Variants in PVT1 observed in about 807,000 individuals in gnomAD.
PVT1 encodes the protein CXCR4/PVT1 fusion.
At chr8:127,798,580 T>G (rs531462580) in intron 2 of PVT1, among the ~76,000 whole-genome samples, 1 of 151,096 alleles carries the variant, frequency 6.6e-6, no homozygotes, top group South Asian at 2.1e-4. Flanking sequence ...TAGTCTTGGC[T>G]GGGTGCAGTA....
intron 3 of PVT1, among the ~76,000 whole-genome samples, chr8:127,952,417 T>A (rs1031732271): frequency 6.6e-6 from 1 of 152,246 alleles, no homozygotes; most frequent in African/African-American, 2.4e-5. Flanking sequence ...TGAGGCTGTC[T>A]TAACACTCAC....
At chr8:127,867,519 G>C (rs992988320) in intron 2 of PVT1, among the ~76,000 whole-genome samples, 1 of 152,216 alleles carries the variant, frequency 6.6e-6, no homozygotes, top group Admixed American at 6.5e-5. Context: ...CGCTGGGGAG[G>C]GCTCTGCTGA....
intron 3 of PVT1, among the ~76,000 whole-genome samples, chr8:127,949,445 C>A (rs191087385): frequency 6.9e-6 from 1 of 144,544 alleles, no homozygotes; most frequent in East Asian, 2.1e-4. Flanking sequence ...CTCCCTCTCT[C>A]TCCTCTCTCC....
At chr8:128,047,499 C>T (rs900986565) in intron 4 of PVT1, among the ~76,000 whole-genome samples, 1 of 152,144 alleles carries the variant, frequency 6.6e-6, no homozygotes, top group Non-Finnish European at 1.5e-5. Context: ...AGAGGATGGG[C>T]GCGTGGGAGC....
chr8:128,082,232 G>A (rs749563007), intron 5 of PVT1, among the ~76,000 whole-genome samples: 6 of 152,214 alleles, frequency 3.9e-5, no homozygotes, highest in Non-Finnish European at 7.3e-5. Context: ...ACAATTTAGA[G>A]ATAAATAGAT....
At chr8:127,901,812 G>A (rs1187593620) in intron 3 of PVT1, among the ~76,000 whole-genome samples, 1 of 151,600 alleles carries the variant, frequency 6.6e-6, no homozygotes, top group African/African-American at 2.4e-5. Context: ...ATGTTGCTCA[G>A]GCTAGTCTTA....
chr8:128,055,452 C>T (rs1378879816), intron 4 of PVT1, among the ~76,000 whole-genome samples: 1 of 152,154 alleles, frequency 6.6e-6, no homozygotes, highest in Non-Finnish European at 1.5e-5. Flanking sequence ...CTAAACAAGA[C>T]AATGAATGTA....
intron 2 of PVT1, among the ~76,000 whole-genome samples, chr8:127,866,092 G>A (rs1815284208): frequency 7.0e-6 from 1 of 142,010 alleles, no homozygotes; most frequent in Non-Finnish European, 1.5e-5. Context: ...TGGTGCATTA[G>A]GGACCCCTTC....
chr8:127,802,712 A>T (rs1465160387), intron 2 of PVT1, among the ~76,000 whole-genome samples: 1 of 152,214 alleles, frequency 6.6e-6, no homozygotes, highest in Non-Finnish European at 1.5e-5. Flanking sequence ...GTCAGCATTT[A>T]GTGAATCAAA....
At chr8:127,970,423 G>A (rs991011291) in intron 3 of PVT1, among the ~76,000 whole-genome samples, 12 of 145,118 alleles carry the variant, frequency 8.3e-5, no homozygotes, top group South Asian at 4.5e-4. Context: ...TCAGCCTCCC[G>A]AGTAGCTGGG....
chr8:127,855,010 CAG>C (rs1166885834), intron 2 of PVT1: 1 of 394,380 alleles, frequency 2.5e-6, no homozygotes, highest in Non-Finnish European at 4.5e-6. Context: ...CTCAGAGGCA[CAG>C]AGTTAGAAAG....
At chr8:127,797,106 A>C (rs1329348462) in intron 2 of PVT1, among the ~76,000 whole-genome samples, 1 of 151,850 alleles carries the variant, frequency 6.6e-6, no homozygotes, top group African/African-American at 2.4e-5. Context: ...TTGAACTCCC[A>C]GCCTCAGGTG....
At chr8:128,070,933 CAG>C (rs1426836670) in intron 5 of PVT1, among the ~76,000 whole-genome samples, 3 of 152,212 alleles carry the variant, frequency 2.0e-5, no homozygotes, top group African/African-American at 4.8e-5. Context: ...TGGCAGCCAA[CAG>C]AGTCTTCTAC....
chr8:127,997,762 A>G (rs1192440424), intron 4 of PVT1, among the ~76,000 whole-genome samples: 3 of 152,184 alleles, frequency 2.0e-5, no homozygotes, highest in Admixed American at 6.5e-5. Flanking sequence ...ATATTGATAC[A>G]TTATTATTTA....
At chr8:127,923,856 G>A (rs1476407742) in intron 3 of PVT1, among the ~76,000 whole-genome samples, 1 of 152,192 alleles carries the variant, frequency 6.6e-6, no homozygotes, top group African/African-American at 2.4e-5. Flanking sequence ...GCTTCTCCCA[G>A]GTTGTATAAT....
intron 3 of PVT1, among the ~76,000 whole-genome samples, chr8:127,988,465 C>T (rs1816994426): frequency 6.6e-6 from 1 of 152,224 alleles, no homozygotes; most frequent in African/African-American, 2.4e-5. Flanking sequence ...GTACCAGGCG[C>T]TGCTTTAGGA....
chr8:128,058,713 A>T (rs1813792399), intron 4 of PVT1, among the ~76,000 whole-genome samples: 1 of 152,218 alleles, frequency 6.6e-6, no homozygotes, highest in South Asian at 2.1e-4. Context: ...ATTCCCATAA[A>T]CTAGAATGGC....
intron 3 of PVT1, among the ~76,000 whole-genome samples, chr8:127,924,774 G>A (rs1816109499): frequency 6.6e-6 from 1 of 152,110 alleles, no homozygotes; most frequent in African/African-American, 2.4e-5. Context: ...GCCTCCCAAA[G>A]TGCTGGGATT....
chr8:128,040,903 T>C lies in PVT1; in HGVS notation n.913-29257T>C, dbSNP rs546043083. Among the ~76,000 whole-genome samples, 5 of 99,988 alleles carry C rather than the reference T, an allele frequency of 5.0e-5. No homozygotes were observed. In the South Asian group the frequency reaches 1.7e-3, roughly 35 times the overall value. The allele number at this position is 99,988 out of a possible 152,430, so 65.6% of individuals were successfully genotyped here. A position where few individuals can be genotyped will look rare whatever the true frequency, so the allele number is the denominator to read the frequency against. On this transcript the variant is annotated intron_variant and non_coding_transcript_variant, in intron 4 of 10. Transcript: ENST00000651587. Reference sequence around the variant, plus strand: ...GCATGTGTTTGTGTGTATATGTTTGTGCATGTGTGCATATGTGTGTGTGCT... The same window carrying C: ...GCATGTGTTTGTGTGTATATGTTTGCGCATGTGTGCATATGTGTGTGTGCT...
Sources: gnomAD v4.1 joint callset for allele counts (sites outside exome capture counted in the v4.1 genomes callset) on GRCh38, gnomAD v4.1.1 for gene constraint, MANE v1.5 for transcripts, NCBI Gene and HGNC (gene_info 2026-07-23, HGNC 2026-07-21) for gene names.